Variants in RANBP17 observed in about 807,000 individuals in gnomAD.
The protein encoded by RANBP17 is RAN binding protein 17.
Under a neutral mutation model 141.2 loss-of-function variants are expected in RANBP17, and 158 were observed. That is an observed-to-expected ratio of 1.12 (90% CI 0.98 to 1.28). The LOEUF (loss-of-function observed/expected upper bound fraction) is 1.28. Among genes scored for constraint, RANBP17 ranks in the 50% most tolerant of loss-of-function variants. The pLI is 0.00. For missense variants in RANBP17, 1,438 were observed against 1,290.7 expected (o/e 1.11, Z -1.75); for synonymous variants, 430 against 450.0 (o/e 0.96, Z 0.56).
chr5:171,018,901 A>C (rs533336929), intron 14 of RANBP17, among the ~76,000 whole-genome samples: 1 of 152,150 alleles, frequency 6.6e-6, no homozygotes, highest in Non-Finnish European at 1.5e-5. Flanking sequence ...GTTTGTCATA[A>C]ATAGCTCTTA....
At chr5:171,214,423 C>T (rs1169059541) in intron 21 of RANBP17, among the ~76,000 whole-genome samples, 1 of 152,120 alleles carries the variant, frequency 6.6e-6, no homozygotes, top group Non-Finnish European at 1.5e-5. Context: ...GCTAATTGGG[C>T]TTAAAATATG....
chr5:170,904,212 C>A, intron 5 of RANBP17: 1 of 280,380 alleles, frequency 3.6e-6, no homozygotes, highest in South Asian at 5.1e-5. Flanking sequence ...CATTTTTATT[C>A]ATTATTAGCT....
intron 25 of RANBP17, among the ~76,000 whole-genome samples, chr5:171,273,703 A>G (rs141499394): frequency 2.2e-4 from 34 of 152,334 alleles, no homozygotes; most frequent in African/African-American, 7.0e-4. Context: ...GTAGTATACA[A>G]TCTTAAGGAA....
chr5:171,161,428 G>A (rs150571894), intron 14 of RANBP17: 2 of 201,108 alleles, frequency 9.9e-6, no homozygotes, highest in African/African-American at 4.6e-5. Context: ...GAGGAGTGAT[G>A]TACCCAGAGT....
chr5:171,294,796 T>G (rs1768715860), intron 26 of RANBP17, among the ~76,000 whole-genome samples: 1 of 152,214 alleles, frequency 6.6e-6, no homozygotes, highest in Non-Finnish European at 1.5e-5. Flanking sequence ...AGAGCAGTTC[T>G]TTTAAAATGA....
intron 13 of RANBP17, among the ~76,000 whole-genome samples, chr5:170,965,882 G>A (rs1776522288): frequency 2.0e-5 from 3 of 152,106 alleles, no homozygotes; most frequent in Non-Finnish European, 4.4e-5. Flanking sequence ...GGTGACACAG[G>A]CTCTTTTTTG....
intron 14 of RANBP17, chr5:171,029,105 C>T: frequency 3.8e-6 from 1 of 259,886 alleles, no homozygotes. Context: ...TTTCCTAGTC[C>T]CCAGAGAGAT....
At chr5:171,077,786 A>G (rs1437341923) in intron 14 of RANBP17, among the ~76,000 whole-genome samples, 2 of 152,250 alleles carry the variant, frequency 1.3e-5, no homozygotes, top group South Asian at 2.1e-4. Context: ...CATACAAATG[A>G]TAAGTGAAGT....
intron 25 of RANBP17, among the ~76,000 whole-genome samples, chr5:171,267,529 C>T (rs1260566811): frequency 2.6e-5 from 4 of 152,008 alleles, no homozygotes; most frequent in African/African-American, 7.2e-5. Context: ...AAATGTTGGC[C>T]GGGCGCAGTG....
At chr5:171,027,160 AC>A (rs1291667541) in intron 14 of RANBP17, among the ~76,000 whole-genome samples, 1 of 152,166 alleles carries the variant, frequency 6.6e-6, no homozygotes, top group African/African-American at 2.4e-5. Flanking sequence ...ATGCAGTAAA[AC>A]TTGAATGGAT....
intron 12 of RANBP17, among the ~76,000 whole-genome samples, chr5:170,935,599 A>T (rs1016472179): frequency 6.6e-6 from 1 of 152,162 alleles, no homozygotes; most frequent in Non-Finnish European, 1.5e-5. Flanking sequence ...TTGCCTGGGT[A>T]TCACCAGCTG....
chr5:171,189,845 G>T (rs945715150), intron 18 of RANBP17, among the ~76,000 whole-genome samples: 35 of 152,240 alleles, frequency 2.3e-4, no homozygotes, highest in African/African-American at 8.2e-4. Flanking sequence ...TATATGGCTT[G>T]ATAGTTTTCT....
intron 14 of RANBP17, among the ~76,000 whole-genome samples, chr5:171,100,513 A>T (rs1581635472): frequency 6.6e-6 from 1 of 151,916 alleles, no homozygotes; most frequent in East Asian, 1.9e-4. Flanking sequence ...TCTGGCTAGC[A>T]GTCTATCTAT....
chr5:171,057,390 A>G (rs1035186053), intron 14 of RANBP17, among the ~76,000 whole-genome samples: 1 of 152,126 alleles, frequency 6.6e-6, no homozygotes, highest in Non-Finnish European at 1.5e-5. Flanking sequence ...ACATATTTAT[A>G]TAATTATGTT....
chr5:171,208,405 T>C (rs1762694834), intron 20 of RANBP17, among the ~76,000 whole-genome samples: 1 of 152,170 alleles, frequency 6.6e-6, no homozygotes, highest in Admixed American at 6.6e-5. Context: ...TCTTTGCCCC[T>C]ATGATGGGAA....
At chr5:171,272,198 G>A (rs1049970737) in intron 25 of RANBP17, among the ~76,000 whole-genome samples, 1 of 152,186 alleles carries the variant, frequency 6.6e-6, no homozygotes, top group African/African-American at 2.4e-5. Context: ...TGAGAGTGGA[G>A]AGTTGGAGGA....
At chr5:171,107,776 G>A (rs974691962) in intron 14 of RANBP17, among the ~76,000 whole-genome samples, 7 of 152,198 alleles carry the variant, frequency 4.6e-5, no homozygotes, top group Non-Finnish European at 1.0e-4. Flanking sequence ...CGCTTTCTTT[G>A]TCATGGAATA....
chr5:170,888,515 C>T (rs1769340355), intron 3 of RANBP17, among the ~76,000 whole-genome samples: 2 of 151,946 alleles, frequency 1.3e-5, no homozygotes, highest in South Asian at 4.1e-4. Context: ...ATTTCAAGTT[C>T]CAGTTGCTGG....
chr5:171,277,944 T>C lies in RANBP17; in HGVS notation c.2943+12097T>C, dbSNP rs1248249878. ...TTGAGCCTAGGACTTCTTTCTTTTT[T>C]TTTTTTTTTTTTTTTTTTTTTTTTT... is the stretch of plus-strand genomic sequence containing the variant. On this transcript the variant is annotated intron_variant, in intron 25 of 27. Transcript: ENST00000523189. 1.7e-3 allele frequency among the ~76,000 whole-genome samples: 152 copies of C among 89,720 alleles called. 2 individuals carry two copies. Among genetic ancestry groups the C allele is most frequent in the Non-Finnish European group, 2.1e-3 (108 of 50,244 alleles). 58.9% of individuals were successfully genotyped at this position (89,720 alleles called of 152,430 possible). A position where few individuals can be genotyped will look rare whatever the true frequency, so the allele number is the denominator to read the frequency against.
Sources: gnomAD v4.1 joint callset for allele counts (sites outside exome capture counted in the v4.1 genomes callset) on GRCh38, gnomAD v4.1.1 for gene constraint, MANE v1.5 for transcripts, NCBI Gene and HGNC (gene_info 2026-07-23, HGNC 2026-07-21) for gene names.